The following CACNA1I variants were observed in gnomAD, a reference collection of about 807,000 sequenced individuals.
CACNA1I encodes the protein voltage-dependent T-type calcium channel subunit alpha-1I.
A neutral mutation model predicts 201.6 loss-of-function variants in CACNA1I; 74 were observed. That is an observed-to-expected ratio of 0.37 (90% CI 0.30 to 0.45). The LOEUF is 0.45. CACNA1I is among the 20% of genes least tolerant of loss of function. The pLI, the probability that CACNA1I is intolerant of heterozygous loss-of-function variation, is 1.00. For missense variants in CACNA1I, 2,346 were observed against 3,138.1 expected (o/e 0.75, Z 6.03); for synonymous variants, 1,431 against 1,345.2 (o/e 1.06, Z -1.40).
chr22:39,673,012 C>T lies in CACNA1I; in HGVS notation c.4713C>T (p.Ile1571=), dbSNP rs376512900. The change falls in exon 28 of 37, where the codon ATC becomes ATT. Residue 1571 remains isoleucine (I), a synonymous_variant. Transcript: ENST00000402142. The stretch of plus-strand genomic sequence containing the variant: ...TCATGGGCATCACCCTGGAGGAGAT[C>T]GAGATCAATGCGGCCCTGCCCATCA... ...LSVMGITLEE[I]EINAALPINP... 5.9e-5 allele frequency: 95 copies of T among 1,613,668 alleles called. No homozygotes were observed. Among genetic ancestry groups the T allele is most frequent in the Middle Eastern group, 3.3e-4 (2 of 6,078 alleles).
intron 1 of CACNA1I, among the ~76,000 whole-genome samples, chr22:39,595,947 G>A (rs951686373): frequency 2.0e-5 from 3 of 150,364 alleles, no homozygotes; most frequent in African/African-American, 4.9e-5. Flanking sequence ...GAGGGCGTGC[G>A]GCAGCTGGGG....
Position 39,659,834 on chromosome 22 carries a change from G to A in CACNA1I, c.2586G>A (p.Val862=), listed in dbSNP as rs778067192. ...VLFNLLVAIL[V]EGFQAEGDAN... Reference sequence around the variant, plus strand: ...TCAACCTGCTGGTGGCCATCCTGGTGGAGGGCTTCCAGGCGGAGGTGACTG... The same window carrying A: ...TCAACCTGCTGGTGGCCATCCTGGTAGAGGGCTTCCAGGCGGAGGTGACTG... Residue 862 remains valine, a synonymous_variant, in exon 14 of 37, where the codon GTG becomes GTA. Coordinates refer to ENST00000402142, the MANE Select transcript of CACNA1I (RefSeq NM_021096.4). The surrounding 1 kb of genome is among the most constrained non-coding windows in gnomAD (Gnocchi z 4.3). 6.2e-7 allele frequency: 1 copy of A among 1,613,872 alleles called. No individual in the cohort carries two copies. The highest frequency in any genetic ancestry group is 8.5e-7 in the Non-Finnish European group (1 of 1,179,876).
At chr22:39,627,508 C>G (rs1933933351) in intron 4 of CACNA1I, among the ~76,000 whole-genome samples, 1 of 152,224 alleles carries the variant, frequency 6.6e-6, no homozygotes, top group Non-Finnish European at 1.5e-5. Flanking sequence ...CCTCACGCCC[C>G]AGGCCAAGCC....
rs779784076 is a variant in CACNA1I, at chr22:39,664,705, C to A, written c.3667-34C>A. ...CCCGCCCACCTGCCCGCCCCTCCCG[C>A]GGCAGCCTGACCCCGGCCCCACCCC... On this transcript the variant is annotated intron_variant, in intron 20 of 36. Transcript: ENST00000402142. The A allele has an allele frequency of 1.0e-4, 113 of 1,111,174 alleles. 4 individuals carry two copies. The South Asian group carries it at 1.3e-3, about 13-fold the overall frequency. The allele number at this position is 1,111,174 out of a possible 1,614,324, so 68.8% of individuals were successfully genotyped here.
At chr22:39,641,584 T>G (rs1934352639) in intron 6 of CACNA1I, among the ~76,000 whole-genome samples, 1 of 152,110 alleles carries the variant, frequency 6.6e-6, no homozygotes. Flanking sequence ...AGGAGGACAT[T>G]CCTGGTGGGG....
intron 5 of CACNA1I, among the ~76,000 whole-genome samples, chr22:39,640,520 C>T (rs765241331): frequency 2.0e-5 from 3 of 152,222 alleles, no homozygotes; most frequent in Admixed American, 6.5e-5. Flanking sequence ...TGCTTGTTTA[C>T]TGACCACCTG....
Position 39,659,965 on chromosome 22 carries a change from T to A in CACNA1I, c.2604+113T>A. The A allele has an allele frequency of 8.3e-7, 1 of 1,207,264 alleles. No individual in the cohort carries two copies. The allele number at this position is 1,207,264 out of a possible 1,614,324, so 74.8% of individuals were successfully genotyped here. On this transcript the variant is annotated intron_variant, in intron 14 of 36. Coordinates refer to ENST00000402142, the MANE Select transcript of CACNA1I (RefSeq NM_021096.4). The surrounding 1 kb of genome is among the most constrained non-coding windows in gnomAD (Gnocchi z 4.3). ...CAATTCAAACTTCTAGCAGGCAACC[T>A]ATCCCTAAAGGAGGGGGTTGCTGAT...
chr22:39,602,075 C>A (rs1283275652), intron 3 of CACNA1I, among the ~76,000 whole-genome samples: 1 of 90,792 alleles, frequency 1.1e-5, no homozygotes, highest in East Asian at 3.4e-4. Context: ...TCCCTTCCTT[C>A]CTTCCTTCTT....
At chr22:39,611,111 C>T (rs1447381323) in intron 3 of CACNA1I, among the ~76,000 whole-genome samples, 2 of 152,170 alleles carry the variant, frequency 1.3e-5, no homozygotes, top group African/African-American at 4.8e-5. Flanking sequence ...GGCCTTGTTA[C>T]TCCTGGAGTT....
chr22:39,683,384 T>G (rs1233669116), intron 35 of CACNA1I, among the ~76,000 whole-genome samples: 1 of 151,950 alleles, frequency 6.6e-6, no homozygotes, highest in Non-Finnish European at 1.5e-5. Context: ...GAGCCAGGGG[T>G]GGGGTGACTT....
In CACNA1I at chr22:39,679,892, G is replaced by A. The variant is rs61642788; in HGVS notation, c.5541+24G>A. 963 of 1,603,970 alleles carry A rather than the reference G, an allele frequency of 6.0e-4. 8 individuals carry two copies. In the African/African-American group the frequency reaches 0.011, roughly 18 times the overall value. ...AGGTAATGGCAGCCCGGGAGGCCTG[G>A]CCCCTTGTGGCAGGGGCAGCACGAA... On this transcript the variant is annotated intron_variant, in intron 33 of 36. Coordinates refer to ENST00000402142, the MANE Select transcript of CACNA1I (RefSeq NM_021096.4).
chr22:39,615,211 G>A (rs143257539), intron 3 of CACNA1I, among the ~76,000 whole-genome samples: 7 of 152,334 alleles, frequency 4.6e-5, no homozygotes, highest in Non-Finnish European at 1.0e-4. Context: ...AAATTGAGAC[G>A]TGGTGCTTAT....
chr22:39,583,160 G>A lies in CACNA1I; in HGVS notation c.236+12172G>A, dbSNP rs62652624. On this transcript the variant is annotated intron_variant, in intron 1 of 36. Coordinates refer to ENST00000402142, the MANE Select transcript of CACNA1I (RefSeq NM_021096.4). ...TCCATCCATCCATCCAGCCATCCAT[G>A]CATGCATCCATCTCTCCATCCATCC... Among the ~76,000 whole-genome samples the A allele has an allele frequency of 2.1e-4, 5 of 23,534 alleles. No homozygotes were observed. The East Asian group carries it at 7.2e-3, about 34-fold the overall frequency. 15.4% of individuals were successfully genotyped at this position (23,534 alleles called of 152,430 possible).
intron 4 of CACNA1I, among the ~76,000 whole-genome samples, chr22:39,622,668 A>C (rs1451645634): frequency 6.6e-6 from 1 of 151,226 alleles, no homozygotes; most frequent in African/African-American, 2.4e-5. Context: ...GGTGTGAGCG[A>C]ATGGCCGGTA....
chr22:39,638,795 A>G (rs375135329), intron 5 of CACNA1I, among the ~76,000 whole-genome samples: 7 of 152,136 alleles, frequency 4.6e-5, no homozygotes, highest in Non-Finnish European at 1.0e-4. Context: ...TTTTCCATGG[A>G]CCAGAGCAAG....
chr22:39,650,692 G>C lies in CACNA1I; in HGVS notation c.1992+767G>C, dbSNP rs554651648. Among the ~76,000 whole-genome samples the C allele has an allele frequency of 3.3e-5, 5 of 152,262 alleles. No homozygotes were observed. In the South Asian group the frequency reaches 8.3e-4, roughly 25 times the overall value. On this transcript the variant is annotated intron_variant, in intron 10 of 36. Coordinates refer to ENST00000402142, the MANE Select transcript of CACNA1I (RefSeq NM_021096.4). ...CATACAGCCCCATGGCGCTGAGGGCGAGTGGCCCTGTGGTTGTCCTGTGTG... is the reference window on the plus strand; with the variant it reads ...CATACAGCCCCATGGCGCTGAGGGCCAGTGGCCCTGTGGTTGTCCTGTGTG...
chr22:39,638,762 G>A (rs1276656539), intron 5 of CACNA1I, among the ~76,000 whole-genome samples: 1 of 152,054 alleles, frequency 6.6e-6, no homozygotes, highest in Non-Finnish European at 1.5e-5. Context: ...TTGGCACCAG[G>A]GACCAGTTTC....
rs548990169 is a variant in CACNA1I at position 39,649,800 on chromosome 22, G to A, written c.1867G>A (p.Gly623Arg). 18 of 1,612,424 alleles carry A rather than the reference G, an allele frequency of 1.1e-5. No homozygotes were observed. The highest frequency in any genetic ancestry group is 6.7e-5 in the African/African-American group (5 of 74,914). The change falls in exon 10 of 37, where the codon GGG becomes AGG. Residue 623 changes from glycine to arginine, a missense_variant. Gly to Arg is a moderately radical substitution (Grantham distance 125). Transcript: ENST00000402142. This position sits in a 1 kb window ranked among gnomAD's most constrained non-coding sequence, Gnocchi z 7.3. The part of the protein sequence containing the change: ...EQADGAVWLC[G>R]DVWRETRAKL... ...GGCGGATGGGGCGGTCTGGCTGTGCGGGGATGTGTGGCGGGAGACGCGAGC... is the reference window on the plus strand; with the variant it reads ...GGCGGATGGGGCGGTCTGGCTGTGCAGGGATGTGTGGCGGGAGACGCGAGC...
intron 18 of CACNA1I, 39 bp downstream of exon 18, chr22:39,662,915 G>A: frequency 7.6e-7 from 1 of 1,313,846 alleles, no homozygotes; most frequent in African/African-American, 1.5e-5. Context: ...TTAGAGTAGG[G>A]GTAACGTGGG....
Sources: allele counts gnomAD v4.1 joint callset (sites outside exome capture counted in the v4.1 genomes callset), GRCh38; gene constraint gnomAD v4.1.1; non-coding constraint Gnocchi (gnomAD v3.1); transcripts MANE v1.5; gene names NCBI Gene and HGNC (gene_info 2026-07-23, HGNC 2026-07-21).